Variants in PCDH9 observed in about 807,000 individuals in gnomAD.
The protein encoded by PCDH9 is protocadherin-9.
Under a neutral mutation model 70.6 loss-of-function variants are expected in PCDH9, and 24 were observed. The ratio of observed to expected loss-of-function variants is 0.34; its 90% CI spans 0.25 to 0.48. The LOEUF is 0.48. Ranked by LOEUF, PCDH9 falls within the 20% of genes least tolerant of loss-of-function variation. The probability of loss-of-function intolerance (pLI) is 0.99; values close to 1 mark genes in which losing one functional copy is unlikely to be tolerated. For missense variants in PCDH9, 1,281 were observed against 1,503.6 expected, an observed-to-expected ratio of 0.85 and a Z score of 2.45; for synonymous variants, 562 against 558.5, an observed-to-expected ratio of 1.01 and a Z score of -0.09.
intron 2 of PCDH9, among the ~76,000 whole-genome samples, chr13:66,963,177 A>G (rs1472354328): frequency 2.0e-5 from 3 of 152,180 alleles, no homozygotes; most frequent in Non-Finnish European, 4.4e-5. Flanking sequence ...AGCTGTAAGT[A>G]CAGATGAAGT....
chr13:66,893,679 C>T (rs1023375833), intron 3 of PCDH9, among the ~76,000 whole-genome samples: 3 of 151,994 alleles, frequency 2.0e-5, no homozygotes, highest in Non-Finnish European at 2.9e-5. Flanking sequence ...CACATGTGCA[C>T]GCAATAACAT....
chr13:66,435,829 C>T (rs1477216807), intron 4 of PCDH9, among the ~76,000 whole-genome samples: 2 of 152,006 alleles, frequency 1.3e-5, no homozygotes, highest in African/African-American at 2.4e-5. Flanking sequence ...AGGCACATCC[C>T]TGCTTGGAGA....
intron 4 of PCDH9, among the ~76,000 whole-genome samples, chr13:66,520,078 C>T (rs942148568): frequency 6.6e-6 from 1 of 152,072 alleles, no homozygotes; most frequent in East Asian, 1.9e-4. Context: ...AGAGGGAACA[C>T]GGTGCCTCAG....
intron 2 of PCDH9, among the ~76,000 whole-genome samples, chr13:66,957,495 C>A (rs1357155409): frequency 6.6e-6 from 1 of 152,118 alleles, no homozygotes; most frequent in Admixed American, 6.5e-5. Flanking sequence ...AAAGACCAGT[C>A]AGCAATGTTA....
intron 3 of PCDH9, among the ~76,000 whole-genome samples, chr13:66,732,769 A>C (rs919616839): frequency 2.6e-5 from 4 of 152,066 alleles, no homozygotes; most frequent in African/African-American, 9.6e-5. Flanking sequence ...AGATAGAAAA[A>C]TACATGAAAA....
At chr13:66,461,352 T>C (rs9540765) in intron 4 of PCDH9, among the ~76,000 whole-genome samples, 28,581 of 151,592 alleles carry the variant, frequency 0.19, 2,850 homozygotes, top group Non-Finnish European at 0.21. Flanking sequence ...TCTGGGACAC[T>C]ATACATTTCT....
intron 4 of PCDH9, among the ~76,000 whole-genome samples, chr13:66,398,039 T>C (rs115388579): frequency 1.5e-4 from 23 of 152,052 alleles, no homozygotes; most frequent in Non-Finnish European, 2.9e-4. Context: ...GCTTATACCA[T>C]AGAACATCAT....
chr13:66,662,049 G>C (rs1251246858), intron 3 of PCDH9, among the ~76,000 whole-genome samples: 1 of 151,788 alleles, frequency 6.6e-6, no homozygotes, highest in Non-Finnish European at 1.5e-5. Context: ...GTATGTGTGT[G>C]TGTGTGTGTG....
chr13:67,172,549 G>A (rs756077083), intron 2 of PCDH9, among the ~76,000 whole-genome samples: 4 of 152,070 alleles, frequency 2.6e-5, no homozygotes, highest in Non-Finnish European at 4.4e-5. Context: ...GATAACAGGG[G>A]CTCAACTTCA....
chr13:66,398,263 G>A (rs979323908), intron 4 of PCDH9, among the ~76,000 whole-genome samples: 5 of 152,134 alleles, frequency 3.3e-5, no homozygotes, highest in African/African-American at 1.2e-4. Context: ...TTAGTAAAGA[G>A]TGTAGAATTT....
At chr13:66,991,317 A>G (rs1171086949) in intron 2 of PCDH9, among the ~76,000 whole-genome samples, 1 of 152,060 alleles carries the variant, frequency 6.6e-6, no homozygotes. Flanking sequence ...GACAAGAGCA[A>G]GGCTAGTGGA....
At chr13:66,803,009 C>G (rs911924746) in intron 3 of PCDH9, among the ~76,000 whole-genome samples, 1 of 152,066 alleles carries the variant, frequency 6.6e-6, no homozygotes, top group African/African-American at 2.4e-5. Flanking sequence ...TAAAACCATA[C>G]TTCTAGAATT....
intron 4 of PCDH9, among the ~76,000 whole-genome samples, chr13:66,614,242 T>C (rs2077328672): frequency 6.6e-6 from 1 of 152,300 alleles, no homozygotes; most frequent in Middle Eastern, 3.4e-3. Context: ...GTTTTTTGAG[T>C]TAAATTAGGA....
At chr13:66,984,192 G>T (rs528785648) in intron 2 of PCDH9, among the ~76,000 whole-genome samples, 2 of 151,968 alleles carry the variant, frequency 1.3e-5, no homozygotes, top group African/African-American at 4.8e-5. Context: ...TCTTTACTAC[G>T]TCAGATTCCA....
intron 3 of PCDH9, among the ~76,000 whole-genome samples, chr13:66,769,482 G>T (rs889712651): frequency 4.8e-5 from 7 of 145,322 alleles, no homozygotes; most frequent in South Asian, 4.4e-4. Context: ...TAGCAACATG[G>T]TTTTTTTTTT....
At chr13:67,103,702 C>T (rs2086478955) in intron 2 of PCDH9, among the ~76,000 whole-genome samples, 1 of 151,980 alleles carries the variant, frequency 6.6e-6, no homozygotes. Flanking sequence ...TGATGGATGA[C>T]AGACAAGAAA....
At chr13:66,954,437 T>A (rs577632808) in intron 2 of PCDH9, among the ~76,000 whole-genome samples, 1 of 152,312 alleles carries the variant, frequency 6.6e-6, no homozygotes, top group South Asian at 2.1e-4. Context: ...CTGCACTTAC[T>A]GCATGGACTC....
At chr13:67,011,961 ACATTT>A (rs2084459929) in intron 2 of PCDH9, among the ~76,000 whole-genome samples, 1 of 151,938 alleles carries the variant, frequency 6.6e-6, no homozygotes, top group African/African-American at 2.4e-5. Context: ...TAAAGAGAAC[ACATTT>A]CATTTCAATT....
chr13:66,342,974 C>T (rs1005161105), intron 4 of PCDH9, among the ~76,000 whole-genome samples: 1 of 152,052 alleles, frequency 6.6e-6, no homozygotes, highest in African/African-American at 2.4e-5. Context: ...TTAGACTCTA[C>T]AACCTTCTGA....
Sources: allele counts gnomAD v4.1 joint callset (sites outside exome capture counted in the v4.1 genomes callset), GRCh38; gene constraint gnomAD v4.1.1; transcripts MANE v1.5; gene names NCBI Gene and HGNC (gene_info 2026-07-23, HGNC 2026-07-21).